Variants in LHPP observed in about 807,000 individuals in gnomAD.
The protein encoded by LHPP is hLHPP.
LHPP carries 24 observed loss-of-function variants against 30.3 expected under a neutral mutation model. The observed-to-expected ratio is 0.79, with a 90% CI of 0.57 to 1.11. The LOEUF (loss-of-function observed/expected upper bound fraction) is 1.11. Ranked by LOEUF, LHPP falls within the 50% of genes most tolerant of loss-of-function variation. LHPP has a pLI of 0.00. For synonymous variants in LHPP, 150 were observed against 157.1 expected (o/e 0.95, Z 0.34); for missense variants, 356 against 367.2 (o/e 0.97, Z 0.25).
chr10:124,588,378 A>T (rs1773718754), intron 6 of LHPP, among the ~76,000 whole-genome samples: 1 of 151,418 alleles, frequency 6.6e-6, no homozygotes, highest in Non-Finnish European at 1.5e-5. Context: ...TGCATTCTCC[A>T]GTTCAAGTGA....
chr10:124,511,713 T>C (rs1446873987), intron 5 of LHPP, among the ~76,000 whole-genome samples: 3 of 152,318 alleles, frequency 2.0e-5, no homozygotes, highest in South Asian at 2.1e-4. Flanking sequence ...GGGGGCCTCA[T>C]TGGCTCTGTC....
intron 6 of LHPP, among the ~76,000 whole-genome samples, chr10:124,557,144 C>A (rs1948316955): frequency 6.6e-6 from 1 of 152,184 alleles, no homozygotes; most frequent in Non-Finnish European, 1.5e-5. Context: ...TCGGCCACTT[C>A]CTAGCAGCAT....
intron 6 of LHPP, among the ~76,000 whole-genome samples, chr10:124,560,757 G>A (rs1369755655): frequency 6.6e-6 from 1 of 152,188 alleles, no homozygotes; most frequent in African/African-American, 2.4e-5. Context: ...CCCCTCTAGG[G>A]CTCTCCGGGG....
chr10:124,607,682 G>A (rs1281925661), intron 6 of LHPP, among the ~76,000 whole-genome samples: 1 of 152,136 alleles, frequency 6.6e-6, no homozygotes, highest in Non-Finnish European at 1.5e-5. Flanking sequence ...GGTCCTGGGG[G>A]CCAGTCCCCC....
At chr10:124,580,619 C>T (rs1238173734) in intron 6 of LHPP, among the ~76,000 whole-genome samples, 1 of 152,040 alleles carries the variant, frequency 6.6e-6, no homozygotes. Flanking sequence ...AGACATAATT[C>T]ACATGATACA....
chr10:124,490,407 C>A, intron 3 of LHPP: 1 of 330,620 alleles, frequency 3.0e-6, no homozygotes. Context: ...AAACTCCTTC[C>A]TGCAACCTCA....
intron 2 of LHPP, among the ~76,000 whole-genome samples, chr10:124,487,635 A>G (rs1488477476): frequency 1.3e-5 from 2 of 151,512 alleles, no homozygotes; most frequent in Non-Finnish European, 2.9e-5. Context: ...TAGAGATGGG[A>G]TTTTGACCAT....
At position 124,523,715 on chromosome 10, in the gene LHPP, C is replaced by T. The variant is rs1397583541; in HGVS notation, c.716+6444C>T. Reference sequence around the variant, plus strand: ...GGAGTCAGGACCCTCCTGCTGCCCTCCTGTGTAAACAGACCAGCCAGGGCA... The same window carrying T: ...GGAGTCAGGACCCTCCTGCTGCCCTTCTGTGTAAACAGACCAGCCAGGGCA... On this transcript the variant is annotated intron_variant, in intron 6 of 6. Coordinates refer to ENST00000368842, the MANE Select transcript of LHPP (RefSeq NM_022126.4). This position sits in a 1 kb window ranked among gnomAD's most constrained non-coding sequence, Gnocchi z 4.2. 6.6e-6 allele frequency among the ~76,000 whole-genome samples: 1 copy of T among 152,216 alleles called. No individual in the cohort carries two copies. Among genetic ancestry groups the T allele is most frequent in the African/African-American group, 2.4e-5 (1 of 41,456 alleles).
At chr10:124,585,648 G>C (rs12785089) in intron 6 of LHPP, among the ~76,000 whole-genome samples, 31,486 of 151,698 alleles carry the variant, frequency 0.21, 3,617 homozygotes, top group South Asian at 0.34. Context: ...AAAAAGAAAA[G>C]ATAAGGAGCC....
intron 6 of LHPP, among the ~76,000 whole-genome samples, chr10:124,589,574 G>A (rs1021358173): frequency 6.6e-6 from 1 of 152,216 alleles, no homozygotes; most frequent in Admixed American, 6.5e-5. Flanking sequence ...CTGTTGACAC[G>A]AGAGCAGGGG....
intron 6 of LHPP, among the ~76,000 whole-genome samples, chr10:124,569,436 G>T (rs1203444901): frequency 6.6e-6 from 1 of 152,192 alleles, no homozygotes; most frequent in Non-Finnish European, 1.5e-5. Flanking sequence ...TGTCTCTGCT[G>T]TCCTGGGCCA....
intron 1 of LHPP, among the ~76,000 whole-genome samples, chr10:124,472,082 C>T (rs944970574): frequency 1.8e-4 from 27 of 151,996 alleles, no homozygotes; most frequent in African/African-American, 6.5e-4. Flanking sequence ...GAGGCCAAAG[C>T]GGGCAGATCA....
chr10:124,609,102 G>A (rs111291068), intron 6 of LHPP, among the ~76,000 whole-genome samples: 4,862 of 152,314 alleles, frequency 0.032, 111 homozygotes, highest in African/African-American at 0.065. Flanking sequence ...GGGCCGAATC[G>A]TTACCACTTC....
chr10:124,538,497 G>C (rs1454144522), intron 6 of LHPP, among the ~76,000 whole-genome samples: 4 of 152,210 alleles, frequency 2.6e-5, no homozygotes, highest in Non-Finnish European at 5.9e-5. Flanking sequence ...CCTTGTGCCT[G>C]CCAGAGGGGA....
chr10:124,462,393 G>A (rs1267391327), intron 1 of LHPP, among the ~76,000 whole-genome samples: 1 of 152,038 alleles, frequency 6.6e-6, no homozygotes, highest in African/African-American at 2.4e-5. Context: ...TAGGGGGTTG[G>A]AGACCACCCT....
intron 6 of LHPP, among the ~76,000 whole-genome samples, chr10:124,548,751 G>A (rs945635883): frequency 3.3e-5 from 5 of 152,208 alleles, no homozygotes; most frequent in African/African-American, 9.6e-5. Flanking sequence ...ATGGAGCTCC[G>A]AGGGACAGGT....
Position 124,499,030 on chromosome 10 carries a change from C to T in LHPP, c.624+902C>T, listed in dbSNP as rs190648908. On this transcript the variant is annotated intron_variant, in intron 5 of 6. Coordinates refer to ENST00000368842, the MANE Select transcript of LHPP (RefSeq NM_022126.4). Reference sequence around the variant, plus strand: ...CTGATGAGCTGGGACTACAGGTGTGCACCACCACACCAGCTAATTTTTTAT... The same window carrying T: ...CTGATGAGCTGGGACTACAGGTGTGTACCACCACACCAGCTAATTTTTTAT... 4.4e-3 allele frequency among the ~76,000 whole-genome samples: 658 copies of T among 149,620 alleles called. 6 individuals carry two copies. The highest frequency in any genetic ancestry group is 0.024 in the South Asian group (117 of 4,792).
chr10:124,462,043 C>T, intron 1 of LHPP, 56 bp downstream of exon 1: 1 of 1,188,614 alleles, frequency 8.4e-7, no homozygotes. Flanking sequence ...CAGCCCGCTC[C>T]CTGGCTGCCG....
intron 5 of LHPP, among the ~76,000 whole-genome samples, chr10:124,514,585 T>G (rs1034813772): frequency 6.6e-6 from 1 of 152,222 alleles, no homozygotes; most frequent in Non-Finnish European, 1.5e-5. Context: ...GTACATAACA[T>G]GTCTCTTTTG....
Sources: allele counts gnomAD v4.1 joint callset (sites outside exome capture counted in the v4.1 genomes callset), GRCh38; gene constraint gnomAD v4.1.1; non-coding constraint Gnocchi (gnomAD v3.1); transcripts MANE v1.5; gene names NCBI Gene and HGNC (gene_info 2026-07-23, HGNC 2026-07-21).